DHRS13: variants seen among roughly 807,000 people sequenced by gnomAD.
The protein encoded by DHRS13 is dehydrogenase/reductase SDR family member 13.
Under a neutral mutation model 17.9 loss-of-function variants are expected in DHRS13, and 22 were observed. The observed-to-expected ratio is 1.23, with a 90% CI of 0.88 to 1.75. DHRS13 has a LOEUF of 1.75. Among genes scored for constraint, DHRS13 ranks in the 40% most tolerant of loss-of-function variants. The pLI, the probability that DHRS13 is intolerant of heterozygous loss-of-function variation, is 0.00. For synonymous variants in DHRS13, 206 were observed against 220.4 expected (o/e 0.93, Z 0.58); for missense variants, 483 against 519.9 (o/e 0.93, Z 0.69).
rs148733278 is a variant in DHRS13 at position 28,898,341 on chromosome 17, G to A, written c.*100C>T. Reference sequence around the variant, plus strand: ...GGGGCCCCAGAAAGTAACCACGGAGGTCAAGATCACAAACCCGTCAGTGTC... The same window carrying A: ...GGGGCCCCAGAAAGTAACCACGGAGATCAAGATCACAAACCCGTCAGTGTC... On this transcript the variant is annotated 3_prime_UTR_variant, in exon 5 of 5. Transcript: ENST00000378895. The A allele has an allele frequency of 7.2e-7, 1 of 1,382,326 alleles. No individual in the cohort carries two copies. Among genetic ancestry groups the A allele is most frequent in the Non-Finnish European group, 9.8e-7 (1 of 1,022,546 alleles). The allele number at this position is 1,382,326 out of a possible 1,614,324, so 85.6% of individuals were successfully genotyped here. A position where few individuals can be genotyped will look rare whatever the true frequency, so the allele number is the denominator to read the frequency against.
At position 28,902,506 on chromosome 17, in the gene DHRS13, C is replaced by T; in HGVS notation, c.246+77G>A. On this transcript the variant is annotated intron_variant, in intron 2 of 4. Transcript: ENST00000378895. The surrounding 1 kb of genome is among the most constrained non-coding windows in gnomAD (Gnocchi z 4.0). ...CTCTCCTCCCTGGACCCGGATCCTCCGCAGCCCCTTTGCTGGCTTCTCTGT... is the reference window on the plus strand; with the variant it reads ...CTCTCCTCCCTGGACCCGGATCCTCTGCAGCCCCTTTGCTGGCTTCTCTGT... 2 of 1,345,120 alleles carry T rather than the reference C, an allele frequency of 1.5e-6. No individual in the cohort carries two copies. Among genetic ancestry groups the T allele is most frequent in the Non-Finnish European group, 9.7e-7 (1 of 1,036,238 alleles). 83.3% of individuals were successfully genotyped at this position (1,345,120 alleles called of 1,614,324 possible). A position where few individuals can be genotyped will look rare whatever the true frequency, so the allele number is the denominator to read the frequency against.
rs1366336748 is a variant in DHRS13, at chr17:28,899,769, G to A, written c.683-877C>T. ...GTCACCCAGGCTGGAGTACAGTGGC[G>A]AGATCTCAGCTTACTGGCAACGTCC... is the stretch of plus-strand genomic sequence containing the variant. On this transcript the variant is annotated intron_variant, in intron 4 of 4. Transcript: ENST00000378895. This position sits in a 1 kb window ranked among gnomAD's most constrained non-coding sequence, Gnocchi z 4.7. Among the ~76,000 whole-genome samples the A allele has an allele frequency of 7.2e-5, 11 of 152,142 alleles. No individual in the cohort carries two copies. Among genetic ancestry groups the A allele is most frequent in the Non-Finnish European group, 1.3e-4 (9 of 68,030 alleles).
Position 28,902,453 on chromosome 17 carries a change from C to T in DHRS13, c.246+130G>A. The T allele has an allele frequency of 2.0e-6, 2 of 1,018,566 alleles. No homozygotes were observed. The highest frequency in any genetic ancestry group is 1.3e-6 in the Non-Finnish European group (1 of 756,522). The allele number at this position is 1,018,566 out of a possible 1,614,324, so 63.1% of individuals were successfully genotyped here. ...GTGACCCCAGCGCTCCGTGCACTCC[C>T]TCTTCGCGCTCAGCCGCCCGCGCCG... On this transcript the variant is annotated intron_variant, in intron 2 of 4. Transcript: ENST00000378895. This position sits in a 1 kb window ranked among gnomAD's most constrained non-coding sequence, Gnocchi z 4.0.
intron 4 of DHRS13, 62 bp downstream of exon 4, chr17:28,900,928 G>C: frequency 6.6e-7 from 1 of 1,510,884 alleles, no homozygotes; most frequent in Non-Finnish European, 8.9e-7. Flanking sequence ...TAGTGGTGTG[G>C]GGGGCACAGG....
In DHRS13 at chr17:28,901,900, G is replaced by T; in HGVS notation, c.247-284C>A. 1 of 404,906 alleles carries T rather than the reference G, an allele frequency of 2.5e-6. No homozygotes were observed. 25.1% of individuals were successfully genotyped at this position (404,906 alleles called of 1,614,324 possible). On this transcript the variant is annotated intron_variant, in intron 2 of 4. Coordinates refer to ENST00000378895, the MANE Select transcript of DHRS13 (RefSeq NM_144683.4). The surrounding 1 kb of genome is among the most constrained non-coding windows in gnomAD (Gnocchi z 4.3). ...TCACTGAGCTTTTGTGAGGATGAAA[G>T]GAGTTAACGTGTAAAATACACTCTA...
rs1314295949 is a variant in DHRS13, at chr17:28,902,576, C to T, written c.246+7G>A. On this transcript the variant is annotated splice_region_variant and intron_variant, in intron 2 of 4. Coordinates refer to ENST00000378895, the MANE Select transcript of DHRS13 (RefSeq NM_144683.4). The surrounding 1 kb of genome is among the most constrained non-coding windows in gnomAD (Gnocchi z 4.0). ...TCACCGTCCCACGCGCCCCCGCTGC[C>T]TCTCACCTGGCGGAGGTCGAAGGCA... The T allele has an allele frequency of 1.4e-6, 2 of 1,479,612 alleles. No homozygotes were observed. Among genetic ancestry groups the T allele is most frequent in the East Asian group, 3.0e-5 (1 of 33,592 alleles). The allele number at this position is 1,479,612 out of a possible 1,614,324, so 91.7% of individuals were successfully genotyped here.
At chr17:28,900,752 A>T (rs2039798636) in intron 4 of DHRS13, among the ~76,000 whole-genome samples, 1 of 152,156 alleles carries the variant, frequency 6.6e-6, no homozygotes. Context: ...ATTCATGGCC[A>T]TATACCCCCC....
In DHRS13 at chr17:28,902,539, C is replaced by A; in HGVS notation, c.246+44G>T. 6.9e-7 allele frequency: 1 copy of A among 1,442,076 alleles called. No homozygotes were observed. The highest frequency in any genetic ancestry group is 2.7e-5 in the Admixed American group (1 of 36,764). 89.3% of individuals were successfully genotyped at this position (1,442,076 alleles called of 1,614,324 possible). A position where few individuals can be genotyped will look rare whatever the true frequency, so the allele number is the denominator to read the frequency against. ...CTTTGCTGGCTTCTCTGTGTCCCGGCGGGTTCTCGGCTCACCGTCCCACGC... is the reference window on the plus strand; with the variant it reads ...CTTTGCTGGCTTCTCTGTGTCCCGGAGGGTTCTCGGCTCACCGTCCCACGC... On this transcript the variant is annotated intron_variant, in intron 2 of 4. Transcript: ENST00000378895. This position sits in a 1 kb window ranked among gnomAD's most constrained non-coding sequence, Gnocchi z 4.0.
In DHRS13 at chr17:28,898,439, G is replaced by T; in HGVS notation, c.*2C>A. On this transcript the variant is annotated 3_prime_UTR_variant, in exon 5 of 5. Coordinates refer to ENST00000378895, the MANE Select transcript of DHRS13 (RefSeq NM_144683.4). ...GCCATGGCAAGCATCCTGGCCTGAG[G>T]GTTAGGAGAGCTGGATCTCAGGCTC... 1 of 1,553,116 alleles carries T rather than the reference G, an allele frequency of 6.4e-7. No individual in the cohort carries two copies. The highest frequency in any genetic ancestry group is 1.2e-5 in the South Asian group (1 of 84,138).
chr17:28,900,956 G>A, intron 4 of DHRS13, 34 bp downstream of exon 4: 9 of 1,552,670 alleles, frequency 5.8e-6, no homozygotes, highest in Non-Finnish European at 7.9e-6. Context: ...AAGGAAAGGA[G>A]AGGGGAATCG....
At position 28,901,018 on chromosome 17, in the gene DHRS13, A is replaced by G. The variant is rs770161606; in HGVS notation, c.654T>C (p.Thr218=). ...ARELANQLEA[T]GVTCYAAHPG... is the part of the protein sequence containing the mutation. ...GGTGGGCTGCATAGCAGGTGACGCC[A>G]GTGGCCTCAAGCTGGTTGGCGAGCT... is the stretch of plus-strand genomic sequence containing the variant. The change falls in exon 4 of 5, where the codon ACT becomes ACC. Residue 218 remains threonine, a synonymous_variant. Coordinates refer to ENST00000378895, the MANE Select transcript of DHRS13 (RefSeq NM_144683.4). The surrounding 1 kb of genome is among the most constrained non-coding windows in gnomAD (Gnocchi z 4.3). The G allele has an allele frequency of 3.2e-5, 52 of 1,607,506 alleles. No individual in the cohort carries two copies. Among genetic ancestry groups the G allele is most frequent in the Middle Eastern group, 3.3e-4 (2 of 6,060 alleles).
At position 28,901,841 on chromosome 17, in the gene DHRS13, C is replaced by CG. The variant is rs1342431221; in HGVS notation, c.247-226dup. On this transcript the variant is annotated intron_variant, in intron 2 of 4. Transcript: ENST00000378895. The surrounding 1 kb of genome is among the most constrained non-coding windows in gnomAD (Gnocchi z 4.3). ...TCTCTGGGTCTCAGTTCTCTCACTG[C>CG]GTAAAGGGAATAATAATAACAACAG... 1.2e-5 allele frequency: 7 copies of CG among 601,132 alleles called. No homozygotes were observed. In the South Asian group the frequency reaches 1.6e-4, roughly 13 times the overall value. The allele number at this position is 601,132 out of a possible 1,614,324, so 37.2% of individuals were successfully genotyped here. A position where few individuals can be genotyped will look rare whatever the true frequency, so the allele number is the denominator to read the frequency against.
Position 28,898,113 on chromosome 17 carries a change from A to C in DHRS13, c.*328T>G. On this transcript the variant is annotated 3_prime_UTR_variant, in exon 5 of 5. Transcript: ENST00000378895. The stretch of plus-strand genomic sequence containing the variant: ...CACTAATTCTCAATGTTGGCAGTGC[A>C]TCACATTGCAAACTCCCTGCCTCTG... 2.9e-6 allele frequency: 1 copy of C among 345,954 alleles called. No homozygotes were observed. The highest frequency in any genetic ancestry group is 5.3e-6 in the Non-Finnish European group (1 of 188,918). 21.4% of individuals were successfully genotyped at this position (345,954 alleles called of 1,614,324 possible).
chr17:28,898,961 G>A (rs908205243), intron 4 of DHRS13, 69 bp from the exon 5 acceptor site: 11 of 1,444,982 alleles, frequency 7.6e-6, no homozygotes, highest in African/African-American at 4.3e-5. Context: ...ACAGCTACTC[G>A]GGAGGCGGAG....
In DHRS13 at chr17:28,901,666, C is replaced by G; in HGVS notation, c.247-50G>C. On this transcript the variant is annotated intron_variant, in intron 2 of 4. Coordinates refer to ENST00000378895, the MANE Select transcript of DHRS13 (RefSeq NM_144683.4). The surrounding 1 kb of genome is among the most constrained non-coding windows in gnomAD (Gnocchi z 4.3). The stretch of plus-strand genomic sequence containing the variant: ...TGTCACCAGGCATCTCTCTCCTCTT[C>G]CCTCTCCCCAGGCACCAAATTCTGA... 6.2e-7 allele frequency: 1 copy of G among 1,605,678 alleles called. No homozygotes were observed.
Position 28,898,664 on chromosome 17 carries a change from C to T in DHRS13, c.911G>A (p.Trp304Ter), listed in dbSNP as rs1249891490. The change falls in exon 5 of 5, where the codon TGG becomes TAG. Residue 304 changes from tryptophan to a stop codon, truncating the protein, a stop_gained. Transcript: ENST00000378895. LOFTEE classifies it low-confidence loss of function (END_TRUNC). ...CCCTGCCAGCCTCTTGCTGGCCTCC[C>T]ATAGCCGATGGGCTGCCCGGTCGTC... ...ARDDRAAHRL[W>*]EASKRLAGLG... 6.2e-7 allele frequency: 1 copy of T among 1,613,744 alleles called. No individual in the cohort carries two copies. Among genetic ancestry groups the T allele is most frequent in the Non-Finnish European group, 8.5e-7 (1 of 1,179,858 alleles).
chr17:28,899,037 T>C lies in DHRS13; in HGVS notation c.683-145A>G. 2 of 677,676 alleles carry C rather than the reference T, an allele frequency of 3.0e-6. No individual in the cohort carries two copies. The highest frequency in any genetic ancestry group is 4.6e-6 in the Non-Finnish European group (2 of 432,782). 42.0% of individuals were successfully genotyped at this position (677,676 alleles called of 1,614,324 possible). On this transcript the variant is annotated intron_variant, in intron 4 of 4. Coordinates refer to ENST00000378895, the MANE Select transcript of DHRS13 (RefSeq NM_144683.4). The surrounding 1 kb of genome is among the most constrained non-coding windows in gnomAD (Gnocchi z 4.7). ...GGCAACATAGTCAAGCTCTGTCTCT[T>C]TAAAAAAAAAAACAACAACAAAAAA...
At position 28,898,764 on chromosome 17, in the gene DHRS13, G is replaced by T; in HGVS notation, c.811C>A (p.Gln271Lys). The T allele has an allele frequency of 1.9e-6, 3 of 1,613,634 alleles. No homozygotes were observed. Among genetic ancestry groups the T allele is most frequent in the Non-Finnish European group, 2.5e-6 (3 of 1,179,842 alleles). ...CCACTGAGGGGCTCGATGCCCTCTT[G>T]TAGAGCACAATACAGGGGTGTCTGG... ...GAQTPLYCAL[Q>K]EGIEPLSGRY... Residue 271 changes from glutamine (Q) to lysine (K), a missense_variant, in exon 5 of 5, where the codon CAA becomes AAA. Physicochemically the swap from Gln to Lys is moderately conservative, Grantham distance 53. Transcript: ENST00000378895.
rs1302268290 is a variant in DHRS13, at chr17:28,898,545, G to A, written c.1030C>T (p.Pro344Ser). The A allele has an allele frequency of 6.2e-7, 1 of 1,611,756 alleles. No homozygotes were observed. The highest frequency in any genetic ancestry group is 8.5e-7 in the Non-Finnish European group (1 of 1,179,118). The change falls in exon 5 of 5, where the codon CCC becomes TCC. Residue 344 changes from proline (P) to serine (S), a missense_variant. By Grantham distance (74) the Pro-to-Ser change is moderately conservative. Transcript: ENST00000378895. ...CTGGGGTAAGGTTGAGAAACTGTGG[G>A]CTCCTCAGGGTGGGGGGTGCTTAGA... is the stretch of plus-strand genomic sequence containing the variant. ...SSLSTPHPEE[P>S]TVSQPYPSPQ... is the part of the protein sequence containing the mutation.
Sources: allele counts gnomAD v4.1 joint callset (sites outside exome capture counted in the v4.1 genomes callset), GRCh38; gene constraint gnomAD v4.1.1; non-coding constraint Gnocchi (gnomAD v3.1); transcripts MANE v1.5; gene names NCBI Gene and HGNC (gene_info 2026-07-23, HGNC 2026-07-21).